The following NLRP9 variants were observed in gnomAD, a reference collection of about 807,000 sequenced individuals.
NLRP9 encodes the protein NACHT, LRR and PYD domains-containing protein 9.
A neutral mutation model predicts 83.1 loss-of-function variants in NLRP9; 88 were observed. The ratio of observed to expected loss-of-function variants is 1.06; its 90% CI spans 0.89 to 1.26. The LOEUF (loss-of-function observed/expected upper bound fraction) is 1.26, where lower values mean the gene tolerates loss of function less well. Ranked by LOEUF, NLRP9 falls within the 50% of genes most tolerant of loss-of-function variation. NLRP9 has a pLI of 0.00. For missense variants in NLRP9, 1,308 were observed against 1,179.3 expected (o/e 1.11, Z -1.60); for synonymous variants, 521 against 447.6 (o/e 1.16, Z -2.07).
intron 4 of NLRP9, 59 bp downstream of exon 4, chr19:55,723,921 C>A: frequency 7.1e-7 from 1 of 1,418,310 alleles, no homozygotes. Flanking sequence ...ACAAGAAAAT[C>A]AAACTGCAAA....
intron 5 of NLRP9, among the ~76,000 whole-genome samples, chr19:55,716,022 C>T (rs768095721): frequency 3.9e-4 from 60 of 152,172 alleles, no homozygotes; most frequent in Non-Finnish European, 6.2e-4. Context: ...GTTTCCTTGA[C>T]GACAGTCAAC....
intron 1 of NLRP9, among the ~76,000 whole-genome samples, chr19:55,734,596 C>A (rs1299475062): frequency 7.4e-6 from 1 of 134,908 alleles, no homozygotes; most frequent in Non-Finnish European, 1.5e-5. Context: ...CACATATATA[C>A]ATACACATAC....
rs1338919452 is a variant in NLRP9, at chr19:55,733,023, A to G, written c.808T>C (p.Ser270Pro). ...AGTTTTCCTAATGCAATAAGGAGAG[A>G]GGATTCTGGAAGCATCTTTTTTTGC... ...LLQKKMLPES[S>P]LLIALGKLAM... The change falls in exon 2 of 9, where the codon TCT becomes CCT. Residue 270 changes from serine to proline, a missense_variant. By Grantham distance (74) the Ser-to-Pro change is moderately conservative (BLOSUM62 -1). Coordinates refer to ENST00000332836, the MANE Select transcript of NLRP9 (RefSeq NM_176820.4). 7 of 1,613,688 alleles carry G rather than the reference A, an allele frequency of 4.3e-6. No homozygotes were observed. Among genetic ancestry groups the G allele is most frequent in the Non-Finnish European group, 5.9e-6 (7 of 1,179,968 alleles).
In NLRP9 at chr19:55,733,392, T is replaced by G; in HGVS notation, c.439A>C (p.Thr147Pro). The change falls in exon 2 of 9, where the codon ACT (threonine) becomes CCT (proline). Residue 147 changes from threonine (T) to proline (P), a missense_variant. Transcript: ENST00000332836. ...CCATCAGGACCTTCCAGGACCACAG[T>G]GTGTCGTCTAGCCGCAGCAGTATAT... ...DAYTAAARRH[T>P]VVLEGPDGIG... 6.2e-7 allele frequency: 1 copy of G among 1,614,160 alleles called. No homozygotes were observed. Among genetic ancestry groups the G allele is most frequent in the Non-Finnish European group, 8.5e-7 (1 of 1,180,012 alleles).
In NLRP9 at chr19:55,716,875, C is replaced by T. The variant is rs370721441; in HGVS notation, c.2183G>A (p.Ser728Asn). 1 of 1,613,858 alleles carries T rather than the reference C, an allele frequency of 6.2e-7. No homozygotes were observed. Among genetic ancestry groups the T allele is most frequent in the African/African-American group, 1.3e-5 (1 of 75,026 alleles). The change falls in exon 5 of 9, where the codon AGT (serine) becomes AAT (asparagine). Residue 728 changes from serine to asparagine, a missense_variant. By Grantham distance (46) the Ser-to-Asn change is conservative. Coordinates refer to ENST00000332836, the MANE Select transcript of NLRP9 (RefSeq NM_176820.4). ...ELILGKCDISSEVCEDIASVL... is the reference protein window; with the variant it reads ...ELILGKCDISNEVCEDIASVL... ...GGAGGCGATGTCTTCACAAACTTCA[C>T]TGGAGATGTCACACTTTCCCAGTCT... is the stretch of plus-strand genomic sequence containing the variant.
chr19:55,728,287 A>G (rs1988458951), intron 3 of NLRP9, among the ~76,000 whole-genome samples: 1 of 152,174 alleles, frequency 6.6e-6, no homozygotes, highest in African/African-American at 2.4e-5. Flanking sequence ...GTTTCAAGAC[A>G]TCAGCCAGGC....
Position 55,732,871 on chromosome 19 carries a change from G to T in NLRP9, c.960C>A (p.Val320=), listed in dbSNP as rs756240398. ...FFGEKSKALK[V]FNFVRDNGPL... Reference sequence around the variant, plus strand: ...GCCCATTATCTCTCACAAAATTGAAGACTTTCAGGGCTTTGCTCTTCTCAC... The same window carrying T: ...GCCCATTATCTCTCACAAAATTGAATACTTTCAGGGCTTTGCTCTTCTCAC... Residue 320 remains valine (V), a synonymous_variant, in exon 2 of 9, where the codon GTC becomes GTA. Transcript: ENST00000332836. 3 of 1,614,048 alleles carry T rather than the reference G, an allele frequency of 1.9e-6. No individual in the cohort carries two copies. Among genetic ancestry groups the T allele is most frequent in the Admixed American group, 1.7e-5 (1 of 59,990 alleles).
chr19:55,724,925 G>A (rs1988353942), intron 3 of NLRP9, among the ~76,000 whole-genome samples: 1 of 152,078 alleles, frequency 6.6e-6, no homozygotes, highest in African/African-American at 2.4e-5. Flanking sequence ...TGGGTATGGT[G>A]GTGTGTGCCT....
Position 55,731,363 on chromosome 19 carries a change from G to GA in NLRP9, c.1832+635dup, listed in dbSNP as rs113828486. Among the ~76,000 whole-genome samples, 1,091 of 135,522 alleles carry GA rather than the reference G, an allele frequency of 8.1e-3. 6 individuals are homozygous for GA. The highest frequency in any genetic ancestry group is 8.3e-3 in the African/African-American group (308 of 36,898). The allele number at this position is 135,522 out of a possible 152,430, so 88.9% of individuals were successfully genotyped here. A position where few individuals can be genotyped will look rare whatever the true frequency, so the allele number is the denominator to read the frequency against. On this transcript the variant is annotated intron_variant, in intron 2 of 8. Transcript: ENST00000332836. ...ACAGTCTGACAACAATAAAAATGGT[G>GA]AAAAAAAAAAAGAAGAAAAGGAAAG...
intron 4 of NLRP9, among the ~76,000 whole-genome samples, chr19:55,721,260 T>C (rs147984676): frequency 5.3e-5 from 8 of 152,336 alleles, no homozygotes; most frequent in Non-Finnish European, 8.8e-5. Flanking sequence ...TGTACTATTA[T>C]TGTAATTTCC....
intron 7 of NLRP9, 90 bp from the exon 8 acceptor site, chr19:55,712,060 G>A (rs1465420879): frequency 1.5e-5 from 20 of 1,292,050 alleles, no homozygotes; most frequent in East Asian, 4.7e-5. Context: ...CACACCTCCC[G>A]GCAGGACGCT....
chr19:55,713,558 A>G (rs190513547), intron 6 of NLRP9, among the ~76,000 whole-genome samples: 1,321 of 107,384 alleles, frequency 0.012, 13 homozygotes, highest in Non-Finnish European at 0.013. Context: ...CAGGAGAGAA[A>G]GTGCCCCTGG....
rs1263415383 is a variant in NLRP9 at position 55,711,871 on chromosome 19, G to A, written c.2772C>T (p.Ala924=). 1.2e-6 allele frequency: 2 copies of A among 1,613,406 alleles called. No individual in the cohort carries two copies. Among genetic ancestry groups the A allele is most frequent in the South Asian group, 2.2e-5 (2 of 91,080 alleles). The part of the protein sequence containing the change: ...TLRSLNLDWI[A]LDADAVVVLC... ...GCACCACCACTGCATCAGCATCCAA[G>A]GCAATCCAGTCGAGGTTCAGGCTCC... is the stretch of plus-strand genomic sequence containing the variant. The change falls in exon 8 of 9, where the codon GCC becomes GCT. Residue 924 remains alanine, a synonymous_variant. Coordinates refer to ENST00000332836, the MANE Select transcript of NLRP9 (RefSeq NM_176820.4).
rs754742702 is a variant in NLRP9, at chr19:55,738,131, T to C, written c.244A>G (p.Lys82Glu). 7 of 1,614,078 alleles carry C rather than the reference T, an allele frequency of 4.3e-6. No individual in the cohort carries two copies. The highest frequency in any genetic ancestry group is 2.7e-5 in the African/African-American group (2 of 74,928). The change falls in exon 1 of 9, where the codon AAA becomes GAA. Residue 82 changes from lysine to glutamate, a missense_variant. Coordinates refer to ENST00000332836, the MANE Select transcript of NLRP9 (RefSeq NM_176820.4). ...TCCTGAGCCTTTGTCCAGAGATCTT[T>C]CCTATTGATCTGTAGAAACAGGTTC... Reference protein sequence around the residue: ...TLNLFLQINRKDLWTKAQEEM... With the variant: ...TLNLFLQINREDLWTKAQEEM...
At position 55,738,094 on chromosome 19, in the gene NLRP9, C is replaced by A; in HGVS notation, c.280+1G>T. On this transcript the variant is annotated splice_donor_variant, in intron 1 of 8. Transcript: ENST00000332836. LOFTEE classifies it high-confidence loss of function. The stretch of plus-strand genomic sequence containing the variant: ...TCCTCGCCCCATCATCCAGCACTTA[C>A]TTCTCATCTCTTCCTGAGCCTTTGT... 2.5e-6 allele frequency: 4 copies of A among 1,614,030 alleles called. No homozygotes were observed. Among genetic ancestry groups the A allele is most frequent in the Non-Finnish European group, 2.5e-6 (3 of 1,179,954 alleles).
At chr19:55,713,636 TCCTCTCC>T (rs1250871027) in intron 6 of NLRP9, among the ~76,000 whole-genome samples, 2 of 13,724 alleles carry the variant, frequency 1.5e-4, no homozygotes, top group African/African-American at 3.5e-4. Flanking sequence ...CCCCTCCTCC[TCCTCTCC>T]CCTCTCCCTC....
In NLRP9 at chr19:55,712,569, A is replaced by T; in HGVS notation, c.2523T>A (p.Thr841=). ...RELWLMGCFL[T]SDSCKDIAAV... Reference sequence around the variant, plus strand: ...CAGCAATGTCCTTACAGGAATCGGAAGTAAGGAAACAGCCCATCAACCTGG... The same window carrying T: ...CAGCAATGTCCTTACAGGAATCGGATGTAAGGAAACAGCCCATCAACCTGG... The change falls in exon 7 of 9, where the codon ACT becomes ACA. Residue 841 remains threonine (T), a synonymous_variant. Transcript: ENST00000332836. The T allele has an allele frequency of 6.2e-7, 1 of 1,612,500 alleles. No homozygotes were observed. Among genetic ancestry groups the T allele is most frequent in the Non-Finnish European group, 8.5e-7 (1 of 1,179,880 alleles).
At chr19:55,721,250 TG>T (rs1988216820) in intron 4 of NLRP9, among the ~76,000 whole-genome samples, 1 of 152,252 alleles carries the variant, frequency 6.6e-6, no homozygotes, top group Non-Finnish European at 1.5e-5. Flanking sequence ...GGGACTTCTC[TG>T]TACTATTATT....
intron 3 of NLRP9, among the ~76,000 whole-genome samples, chr19:55,729,466 A>G (rs1363182620): frequency 3.3e-5 from 5 of 151,984 alleles, no homozygotes; most frequent in African/African-American, 1.2e-4. Context: ...ATTCCCACCT[A>G]TGAGTGAGAA....
Sources: allele counts gnomAD v4.1 joint callset (sites outside exome capture counted in the v4.1 genomes callset), GRCh38; gene constraint gnomAD v4.1.1; transcripts MANE v1.5; gene names NCBI Gene and HGNC (gene_info 2026-07-23, HGNC 2026-07-21).